The following ESRRG variants were observed in gnomAD, a reference collection of about 807,000 sequenced individuals.
ESRRG encodes the protein estrogen-related receptor gamma.
In ESRRG, 13 loss-of-function variants were observed where a neutral mutation model predicts 44.0. The observed-to-expected ratio is 0.30, with a 90% confidence interval of 0.19 to 0.47. The LOEUF (loss-of-function observed/expected upper bound fraction) is 0.47, where lower values mean the gene tolerates loss of function less well. Ranked by LOEUF, ESRRG falls within the 20% of genes least tolerant of loss-of-function variation. ESRRG has a pLI of 1.00. For missense variants in ESRRG, 395 were observed against 580.6 expected (o/e 0.68, Z 3.29); for synonymous variants, 215 against 214.6 (o/e 1.00, Z -0.02).
chr1:216,866,666 G>T (rs2096168928), intron 2 of ESRRG, among the ~76,000 whole-genome samples: 1 of 151,674 alleles, frequency 6.6e-6, no homozygotes, highest in African/African-American at 2.4e-5. Context: ...GACCTCCTAG[G>T]CTCCGGTGAT....
chr1:217,070,474 C>T (rs2090412093), intron 1 of ESRRG, among the ~76,000 whole-genome samples: 1 of 152,048 alleles, frequency 6.6e-6, no homozygotes, highest in South Asian at 2.1e-4. Flanking sequence ...CTATGCTTCC[C>T]AGGTTCAAGC....
intron 1 of ESRRG, among the ~76,000 whole-genome samples, chr1:216,987,296 A>G (rs2150463532): frequency 6.6e-6 from 1 of 152,356 alleles, no homozygotes; most frequent in Non-Finnish European, 1.5e-5. Flanking sequence ...GCTTCCATGC[A>G]TGACTCAGTT....
intron 1 of ESRRG, among the ~76,000 whole-genome samples, chr1:217,042,755 G>A (rs2084115146): frequency 6.6e-6 from 1 of 151,932 alleles, no homozygotes; most frequent in South Asian, 2.1e-4. Flanking sequence ...AAATTAAAAA[G>A]CTCTCCAAAA....
At chr1:216,519,866 G>C (rs975850969) in intron 5 of ESRRG, among the ~76,000 whole-genome samples, 1 of 145,332 alleles carries the variant, frequency 6.9e-6, no homozygotes, top group Admixed American at 6.9e-5. Flanking sequence ...AAAAATAAAA[G>C]GTAAACAAAC....
At chr1:216,621,490 G>A (rs990873985) in intron 3 of ESRRG, among the ~76,000 whole-genome samples, 1 of 152,170 alleles carries the variant, frequency 6.6e-6, no homozygotes, top group Non-Finnish European at 1.5e-5. Context: ...TGTTGGGTAT[G>A]TGATGGTAAA....
At chr1:216,624,442 G>A (rs1170197954) in intron 3 of ESRRG, among the ~76,000 whole-genome samples, 1 of 152,142 alleles carries the variant, frequency 6.6e-6, no homozygotes, top group Non-Finnish European at 1.5e-5. Flanking sequence ...TCAGGTCCAA[G>A]TGCTAACTCT....
intron 5 of ESRRG, among the ~76,000 whole-genome samples, chr1:216,521,185 G>A (rs1249796509): frequency 2.0e-5 from 3 of 151,882 alleles, no homozygotes; most frequent in Admixed American, 2.0e-4. Flanking sequence ...TTGCATTTGG[G>A]GTTAAATTAA....
intron 1 of ESRRG, among the ~76,000 whole-genome samples, chr1:216,992,509 TG>T (rs1328906937): frequency 6.6e-6 from 1 of 152,202 alleles, no homozygotes; most frequent in Non-Finnish European, 1.5e-5. Context: ...GCATAGTGCC[TG>T]ACATAAAGTA....
At chr1:216,635,767 C>G (rs1337353445) in intron 3 of ESRRG, among the ~76,000 whole-genome samples, 3 of 152,082 alleles carry the variant, frequency 2.0e-5, no homozygotes, top group Non-Finnish European at 4.4e-5. Flanking sequence ...TCGGGGACCT[C>G]TGACCCCAGC....
chr1:216,589,982 AT>A lies in ESRRG; in HGVS notation c.590-21885del, dbSNP rs1189576011. 1.1e-4 allele frequency among the ~76,000 whole-genome samples: 17 copies of A among 150,638 alleles called. 1 individual carries two copies. In the East Asian group the frequency reaches 3.3e-3, roughly 29 times the overall value. On this transcript the variant is annotated intron_variant, in intron 3 of 6. Coordinates refer to ENST00000408911, the MANE Select transcript of ESRRG (RefSeq NM_001438.4). ...AAATAGAGAGAGTAAAATTGAAAAA[AT>A]ATATATAACAGCAATTTAATGAAAA...
chr1:217,132,856 A>C (rs559179515), intron 1 of ESRRG, among the ~76,000 whole-genome samples: 1 of 152,172 alleles, frequency 6.6e-6, no homozygotes, highest in South Asian at 2.1e-4. Context: ...AAACGAGCTA[A>C]TTTGGAGGAA....
chr1:217,045,145 G>A lies in ESRRG; in HGVS notation c.-106+44362C>T, dbSNP rs577056983. ...TATTTTTTTAAATGAGCATTTGTTA[G>A]GGCTTTATTTGCAAATGCAAAACTA... On this transcript the variant is annotated intron_variant, in intron 1 of 7. Transcript: ENST00000359162. Among the ~76,000 whole-genome samples the A allele has an allele frequency of 5.9e-5, 9 of 152,264 alleles. No individual in the cohort carries two copies. The East Asian group carries it at 1.7e-3, about 29-fold the overall frequency.
intron 2 of ESRRG, among the ~76,000 whole-genome samples, chr1:216,785,147 T>C (rs1342507437): frequency 2.6e-5 from 4 of 152,108 alleles, no homozygotes; most frequent in Non-Finnish European, 5.9e-5. Flanking sequence ...TAAAAATCTT[T>C]AGTGACACAA....
chr1:216,928,644 G>C (rs901923366), intron 2 of ESRRG, among the ~76,000 whole-genome samples: 1 of 152,092 alleles, frequency 6.6e-6, no homozygotes, highest in Admixed American at 6.6e-5. Flanking sequence ...CAGGTTACTA[G>C]ATTACATGGA....
intron 1 of ESRRG, among the ~76,000 whole-genome samples, chr1:217,097,402 A>C (rs1026471281): frequency 2.0e-5 from 3 of 152,178 alleles, no homozygotes; most frequent in Admixed American, 2.0e-4. Context: ...TTAAAACTCA[A>C]AGGCTGACTT....
intron 1 of ESRRG, among the ~76,000 whole-genome samples, chr1:217,124,718 C>T (rs1051263151): frequency 1.3e-5 from 2 of 152,124 alleles, no homozygotes; most frequent in African/African-American, 4.8e-5. Flanking sequence ...CCAAGGTAAT[C>T]GGGCTTAGGT....
At chr1:216,872,805 T>C (rs2096276718) in intron 2 of ESRRG, among the ~76,000 whole-genome samples, 2 of 152,234 alleles carry the variant, frequency 1.3e-5, no homozygotes, top group South Asian at 2.1e-4. Flanking sequence ...AAAACATCCG[T>C]ATCTGTTCAT....
At chr1:216,589,711 C>G (rs777572512) in intron 3 of ESRRG, among the ~76,000 whole-genome samples, 1 of 151,836 alleles carries the variant, frequency 6.6e-6, no homozygotes, top group Non-Finnish European at 1.5e-5. Flanking sequence ...CAAGAACAGC[C>G]TGGCCAACAT....
intron 3 of ESRRG, among the ~76,000 whole-genome samples, chr1:216,574,409 T>G (rs1452253725): frequency 6.6e-6 from 1 of 152,174 alleles, no homozygotes; most frequent in African/African-American, 2.4e-5. Flanking sequence ...GCCCAAGGTC[T>G]TCTTAGGTCA....
Sources: gnomAD v4.1 joint callset for allele counts (sites outside exome capture counted in the v4.1 genomes callset) on GRCh38, gnomAD v4.1.1 for gene constraint, MANE v1.5 for transcripts, NCBI Gene and HGNC (gene_info 2026-07-23, HGNC 2026-07-21) for gene names.